The following RNF212B variants were observed in gnomAD, a reference collection of about 807,000 sequenced individuals.
The protein encoded by RNF212B is ring finger protein 212B, also known as E3 ubiquitin-protein ligase RNF212B.
In RNF212B, 52 loss-of-function variants were observed where a neutral mutation model predicts 55.5. That is an observed-to-expected ratio of 0.94 (90% confidence interval 0.75 to 1.18). The LOEUF (loss-of-function observed/expected upper bound fraction) is 1.18, where lower values mean the gene tolerates loss of function less well. Ranked by LOEUF, RNF212B falls within the 50% of genes most tolerant of loss-of-function variation. RNF212B has a pLI of 0.00. For missense variants in RNF212B, 289 were observed against 350.4 expected (o/e 0.82, Z 1.40); for synonymous variants, 99 against 121.4 (o/e 0.82, Z 1.21).
At chr14:23,259,190 C>G (rs1032794703) in intron 5 of RNF212B, among the ~76,000 whole-genome samples, 1 of 120,990 alleles carries the variant, frequency 8.3e-6, no homozygotes, top group Non-Finnish European at 1.8e-5. Context: ...GACACTGTCT[C>G]AAAAACAAAA....
intron 2 of RNF212B, among the ~76,000 whole-genome samples, chr14:23,211,791 T>G (rs1227187517): frequency 6.6e-6 from 1 of 152,176 alleles, no homozygotes; most frequent in African/African-American, 2.4e-5. Flanking sequence ...GGTGCAAACT[T>G]GGCTCACTGA....
At chr14:23,258,125 G>A (rs1884986088) in intron 4 of RNF212B, among the ~76,000 whole-genome samples, 1 of 152,144 alleles carries the variant, frequency 6.6e-6, no homozygotes. Flanking sequence ...GATCACCTGA[G>A]GTCGGAAGTT....
intron 4 of RNF212B, among the ~76,000 whole-genome samples, chr14:23,248,528 G>A (rs11624060): frequency 0.17 from 24,279 of 141,466 alleles, 2,384 homozygotes; most frequent in South Asian, 0.26. Context: ...TGCAATCTCC[G>A]CCTCCCGGGT....
At chr14:23,220,193 AAAAC>A (rs1881437385) in intron 2 of RNF212B, among the ~76,000 whole-genome samples, 1 of 114,964 alleles carries the variant, frequency 8.7e-6, no homozygotes, top group Non-Finnish European at 1.7e-5. Flanking sequence ...GGGAAAAACA[AAAAC>A]AAAAACAAAA....
At chr14:23,247,014 C>T (rs1884032766) in intron 4 of RNF212B, among the ~76,000 whole-genome samples, 1 of 152,036 alleles carries the variant, frequency 6.6e-6, no homozygotes, top group Admixed American at 6.6e-5. Flanking sequence ...GTGGCACGTG[C>T]CTTTAATCCC....
At chr14:23,192,946 G>A in intron 1 of RNF212B, among the ~76,000 whole-genome samples, 1 of 151,910 alleles carries the variant, frequency 6.6e-6, no homozygotes, top group East Asian at 1.9e-4. Flanking sequence ...ACAAAAATTA[G>A]CCGGGCATGG....
intron 4 of RNF212B, among the ~76,000 whole-genome samples, chr14:23,250,798 A>G (rs1025301753): frequency 6.6e-6 from 1 of 152,238 alleles, no homozygotes; most frequent in East Asian, 1.9e-4. Context: ...CAACATATGT[A>G]TGATGAACAT....
chr14:23,205,859 C>T (rs911599011), intron 2 of RNF212B, among the ~76,000 whole-genome samples: 7 of 152,176 alleles, frequency 4.6e-5, no homozygotes, highest in African/African-American at 1.7e-4. Context: ...ATAGATCATT[C>T]TGTTTTGGCC....
chr14:23,198,405 C>T (rs972253467), intron 2 of RNF212B, among the ~76,000 whole-genome samples: 1 of 152,138 alleles, frequency 6.6e-6, no homozygotes. Context: ...TGGAGCCAAG[C>T]GTGGTGGCTC....
chr14:23,191,312 G>A lies in RNF212B; in HGVS notation c.-78-2013G>A, dbSNP rs144634944. Among the ~76,000 whole-genome samples the A allele has an allele frequency of 2.0e-3, 283 of 141,928 alleles. 1 individual carries two copies. The highest frequency in any genetic ancestry group is 4.1e-3 in the Middle Eastern group (1 of 246). 93.1% of individuals were successfully genotyped at this position (141,928 alleles called of 152,430 possible). On this transcript the variant is annotated intron_variant, in intron 1 of 15. Transcript: ENST00000399910. ...GCGGAGGTTGTAGTGAGCCGAGATC[G>A]CACTGCACCCTGGGCGACAAAGTGA... is the stretch of plus-strand genomic sequence containing the variant.
intron 1 of RNF212B, chr14:23,188,277 TAA>T (rs1034278380): frequency 1.1e-4 from 16 of 152,152 alleles, no homozygotes; most frequent in African/African-American, 3.6e-4. Flanking sequence ...GGGAAAGAAA[TAA>T]AGAGGCACTG....
In RNF212B at chr14:23,210,054, G is replaced by A. The variant is rs186705068; in HGVS notation, c.-2+16653G>A. Reference sequence around the variant, plus strand: ...TAATCCCAGCTACTGGGGAGGCTGAGGCAGGAAAATTGCTTGAACCTGGAA... The same window carrying A: ...TAATCCCAGCTACTGGGGAGGCTGAAGCAGGAAAATTGCTTGAACCTGGAA... On this transcript the variant is annotated intron_variant, in intron 2 of 15. Coordinates refer to the RNF212B transcript ENST00000399910. Among the ~76,000 whole-genome samples the A allele has an allele frequency of 2.5e-3, 388 of 152,344 alleles. 2 individuals carry two copies. Among genetic ancestry groups the A allele is most frequent in the African/African-American group, 8.5e-3 (354 of 41,576 alleles).
intron 8 of RNF212B, 21 bp from the exon 9 acceptor site, chr14:23,262,907 C>T: frequency 6.5e-7 from 1 of 1,550,196 alleles, no homozygotes; most frequent in Non-Finnish European, 8.7e-7. Context: ...ACTTTTTATT[C>T]TGTACTTTAT....
chr14:23,269,964 A>C lies in RNF212B; in HGVS notation c.772+4A>C, dbSNP rs867375493. On this transcript the variant is annotated splice_donor_region_variant and intron_variant, in intron 13 of 14. Coordinates refer to ENST00000430154, the MANE Select transcript of RNF212B (RefSeq NM_001282322.3). ...GTCCTCACCCCCAACAATTTTGGTA[A>C]GTTAAATAACATTTCCAAAGGAATG... is the stretch of plus-strand genomic sequence containing the variant. 32 of 1,472,502 alleles carry C rather than the reference A, an allele frequency of 2.2e-5. No homozygotes were observed. The highest frequency in any genetic ancestry group is 2.6e-5 in the Non-Finnish European group (28 of 1,076,098). 91.2% of individuals were successfully genotyped at this position (1,472,502 alleles called of 1,614,324 possible). A position where few individuals can be genotyped will look rare whatever the true frequency, so the allele number is the denominator to read the frequency against.
At chr14:23,229,261 T>TATATATATATATACAC (rs558232357) in intron 2 of RNF212B, among the ~76,000 whole-genome samples, 6 of 127,212 alleles carry the variant, frequency 4.7e-5, no homozygotes, top group Non-Finnish European at 8.3e-5. Flanking sequence ...TATATATATA[T>TATATATATATATACAC]ACCACATTGT....
intron 4 of RNF212B, among the ~76,000 whole-genome samples, chr14:23,255,133 G>A (rs1009501169): frequency 2.6e-5 from 4 of 152,160 alleles, no homozygotes; most frequent in African/African-American, 7.2e-5. Flanking sequence ...CCCTTTACAA[G>A]GAAAGTAACT....
At chr14:23,256,805 G>A (rs576645010) in intron 4 of RNF212B, among the ~76,000 whole-genome samples, 2 of 152,304 alleles carry the variant, frequency 1.3e-5, no homozygotes, top group Admixed American at 6.5e-5. Flanking sequence ...ACCCACTTCA[G>A]CCTTTCAGGT....
chr14:23,198,518 TAAAA>T lies in RNF212B; in HGVS notation c.-2+5122_-2+5125del, dbSNP rs773996986. On this transcript the variant is annotated intron_variant, in intron 2 of 15. Coordinates refer to the RNF212B transcript ENST00000399910. ...GTGAAACCCCCGTCTCTACTAAAAATAAAAAAAATCAGCTGGGCGTGGTGGCGGG... is the reference window on the plus strand; with the variant it reads ...GTGAAACCCCCGTCTCTACTAAAAATAAAATCAGCTGGGCGTGGTGGCGGG... Among the ~76,000 whole-genome samples, 9 of 151,334 alleles carry T rather than the reference TAAAA, an allele frequency of 5.9e-5. No individual in the cohort carries two copies. The South Asian group carries it at 1.0e-3, about 17-fold the overall frequency.
At chr14:23,246,647 C>T (rs1884001633) in intron 4 of RNF212B, among the ~76,000 whole-genome samples, 1 of 152,156 alleles carries the variant, frequency 6.6e-6, no homozygotes, top group Non-Finnish European at 1.5e-5. Flanking sequence ...AGGCTGTTCT[C>T]AAACTCCTGG....
Sources: gnomAD v4.1 joint callset for allele counts (sites outside exome capture counted in the v4.1 genomes callset) on GRCh38, gnomAD v4.1.1 for gene constraint, MANE v1.5 for transcripts, NCBI Gene and HGNC (gene_info 2026-07-23, HGNC 2026-07-21) for gene names.